AK3: variants seen among roughly 807,000 people sequenced by gnomAD.
The protein encoded by AK3 is adenylate kinase 3, also known as GTP:AMP phosphotransferase AK3, mitochondrial.
In AK3, 27 loss-of-function variants were observed where a neutral mutation model predicts 23.7. The observed-to-expected ratio is 1.14, with a 90% confidence interval of 0.84 to 1.57. AK3 has a LOEUF of 1.57. Among genes scored for constraint, AK3 ranks in the 40% most tolerant of loss-of-function variants. AK3 has a pLI of 0.00. For synonymous variants in AK3, 159 were observed against 116.0 expected (o/e 1.37, Z -2.38); for missense variants, 406 against 285.6 (o/e 1.42, Z -3.04).
rs200136232 is a variant in AK3, at chr9:4,714,107, CAT to C, written c.564-1013_564-1012del. 1.3e-4 allele frequency among the ~76,000 whole-genome samples: 19 copies of C among 143,664 alleles called. 2 individuals carry two copies. The highest frequency in any genetic ancestry group is 6.8e-4 in the South Asian group (3 of 4,434). 94.2% of individuals were successfully genotyped at this position (143,664 alleles called of 152,430 possible). A position where few individuals can be genotyped will look rare whatever the true frequency, so the allele number is the denominator to read the frequency against. On this transcript the variant is annotated intron_variant, in intron 4 of 4. Transcript: ENST00000381809. The stretch of plus-strand genomic sequence containing the variant: ...ACACCTACACATATACACACCTACA[CAT>C]ATACACACCTCCACATATACACACC...
Position 4,741,195 on chromosome 9 carries a change from C to A in AK3, c.-108G>T. 8.3e-7 allele frequency: 1 copy of A among 1,207,750 alleles called. No individual in the cohort carries two copies. The highest frequency in any genetic ancestry group is 1.1e-6 in the Non-Finnish European group (1 of 936,728). 74.8% of individuals were successfully genotyped at this position (1,207,750 alleles called of 1,614,324 possible). A position where few individuals can be genotyped will look rare whatever the true frequency, so the allele number is the denominator to read the frequency against. On this transcript the variant is annotated 5_prime_UTR_variant, in exon 1 of 5. Coordinates refer to ENST00000381809, the MANE Select transcript of AK3 (RefSeq NM_016282.4). ...GCCGGCTAGCAGCGCCACTAGCAGGCGGCTACTGCGGTTCCCCGGCGTTCC... is the reference window on the plus strand; with the variant it reads ...GCCGGCTAGCAGCGCCACTAGCAGGAGGCTACTGCGGTTCCCCGGCGTTCC...
intron 1 of AK3, among the ~76,000 whole-genome samples, chr9:4,735,284 CATATATAAATATATATAT>C (rs1842247733): frequency 2.7e-5 from 1 of 37,006 alleles, no homozygotes; most frequent in African/African-American, 1.1e-4. Flanking sequence ...AATATATATA[CATATATAAATATATATAT>C]ACATATATAA....
In AK3 at chr9:4,721,033, T is replaced by A. The variant is rs1841881783; in HGVS notation, c.271+1473A>T. ...ATGTTTTTCAGCCCCTTACACCTCATAAAGAAGCAAGACTTTTCATTAAAC... is the reference window on the plus strand; with the variant it reads ...ATGTTTTTCAGCCCCTTACACCTCAAAAAGAAGCAAGACTTTTCATTAAAC... On this transcript the variant is annotated intron_variant, in intron 2 of 4. Coordinates refer to ENST00000381809, the MANE Select transcript of AK3 (RefSeq NM_016282.4). 2.0e-5 allele frequency among the ~76,000 whole-genome samples: 3 copies of A among 152,272 alleles called. No homozygotes were observed. In the South Asian group the frequency reaches 6.2e-4, roughly 32 times the overall value.
chr9:4,718,585 G>T (rs747248787), intron 3 of AK3, 48 bp from the exon 4 acceptor site: 1 of 1,364,024 alleles, frequency 7.3e-7, no homozygotes. Flanking sequence ...ATTTCTGAAA[G>T]ATATTTTCAT....
chr9:4,733,420 G>C (rs1180346357), intron 1 of AK3, among the ~76,000 whole-genome samples: 1 of 152,186 alleles, frequency 6.6e-6, no homozygotes, highest in African/African-American at 2.4e-5. Context: ...CATGGAAGGG[G>C]AACGGGAGGG....
chr9:4,737,071 T>A (rs1011802394), intron 1 of AK3, among the ~76,000 whole-genome samples: 4 of 144,154 alleles, frequency 2.8e-5, no homozygotes, highest in African/African-American at 7.4e-5. Flanking sequence ...ATAGTTGAAC[T>A]ATTATTCACT....
intron 4 of AK3, among the ~76,000 whole-genome samples, chr9:4,715,580 G>T (rs1037016197): frequency 6.6e-6 from 1 of 151,656 alleles, no homozygotes; most frequent in South Asian, 2.1e-4. Flanking sequence ...TTTATGTTTT[G>T]TAGAGACAGA....
chr9:4,721,978 T>C (rs559441491), intron 2 of AK3, among the ~76,000 whole-genome samples: 187 of 152,198 alleles, frequency 1.2e-3, no homozygotes, highest in African/African-American at 4.3e-3. Context: ...TGGGGTTGAG[T>C]AGGAGAGAAG....
At chr9:4,732,402 CAA>C in intron 1 of AK3, among the ~76,000 whole-genome samples, 1 of 152,078 alleles carries the variant, frequency 6.6e-6, no homozygotes. Context: ...TTGGGGATGT[CAA>C]AAGTTACATG....
chr9:4,712,387 A>G lies in AK3; in HGVS notation c.*589T>C, dbSNP rs1208775666. On this transcript the variant is annotated 3_prime_UTR_variant, in exon 5 of 5. Coordinates refer to ENST00000381809, the MANE Select transcript of AK3 (RefSeq NM_016282.4). ...CAAATTGAAAATTCTGAGTAAACTG[A>G]AAGTATGCTTAACGACAAAATAAAT... 1 of 152,198 alleles carries G rather than the reference A, an allele frequency of 6.6e-6. No individual in the cohort carries two copies. Among genetic ancestry groups the G allele is most frequent in the Non-Finnish European group, 1.5e-5 (1 of 68,026 alleles). 9.4% of individuals were successfully genotyped at this position (152,198 alleles called of 1,614,324 possible).
intron 2 of AK3, among the ~76,000 whole-genome samples, chr9:4,719,831 TGAG>T (rs1430446635): frequency 1.3e-5 from 2 of 151,978 alleles, no homozygotes; most frequent in Non-Finnish European, 2.9e-5. Flanking sequence ...TTTGGGAGGC[TGAG>T]GAGGGCGGAT....
chr9:4,709,677 G>T lies in AK3; in HGVS notation c.*3299C>A, dbSNP rs1032609000. 1 of 152,088 alleles carries T rather than the reference G, an allele frequency of 6.6e-6. No individual in the cohort carries two copies. The highest frequency in any genetic ancestry group is 1.5e-5 in the Non-Finnish European group (1 of 68,014). 9.4% of individuals were successfully genotyped at this position (152,088 alleles called of 1,614,324 possible). A position where few individuals can be genotyped will look rare whatever the true frequency, so the allele number is the denominator to read the frequency against. ...GGATAAGGGCTCTACAAAGCATACT[G>T]GCTTTTACCAGAAGCTTTAAGCACA... On this transcript the variant is annotated 3_prime_UTR_variant, in exon 5 of 5. Coordinates refer to ENST00000381809, the MANE Select transcript of AK3 (RefSeq NM_016282.4).
chr9:4,717,115 G>C (rs1334208080), intron 4 of AK3, among the ~76,000 whole-genome samples: 1 of 152,124 alleles, frequency 6.6e-6, no homozygotes, highest in East Asian at 1.9e-4. Context: ...ATTTACAGAG[G>C]AAAAAACAGG....
At chr9:4,726,821 T>C (rs1170115866) in intron 1 of AK3, among the ~76,000 whole-genome samples, 1 of 151,708 alleles carries the variant, frequency 6.6e-6, no homozygotes, top group African/African-American at 2.4e-5. Context: ...TCACTATCTA[T>C]ATAGCAGCTG....
At chr9:4,728,692 T>C (rs1021621240) in intron 1 of AK3, among the ~76,000 whole-genome samples, 2 of 151,594 alleles carry the variant, frequency 1.3e-5, no homozygotes, top group Non-Finnish European at 2.9e-5. Context: ...GTAGTTTTTT[T>C]AAAGGTTGAA....
chr9:4,740,140 T>C (rs115387848), intron 1 of AK3, among the ~76,000 whole-genome samples: 1,923 of 149,332 alleles, frequency 0.013, 41 homozygotes, highest in African/African-American at 0.045. Context: ...GGTTTCAAAA[T>C]GAGTTTCAAA....
intron 4 of AK3, among the ~76,000 whole-genome samples, chr9:4,716,558 C>G (rs1405818705): frequency 6.6e-6 from 1 of 152,168 alleles, no homozygotes; most frequent in African/African-American, 2.4e-5. Flanking sequence ...CCTCATTAAA[C>G]AAATGACAAA....
intron 1 of AK3, among the ~76,000 whole-genome samples, chr9:4,724,013 A>C (rs1841964751): frequency 6.6e-6 from 1 of 152,246 alleles, no homozygotes; most frequent in African/African-American, 2.4e-5. Context: ...AACCAAGAAC[A>C]GATTCTAAAT....
At chr9:4,722,485 T>C (rs1411463736) in intron 2 of AK3, 21 bp downstream of exon 2, 2 of 1,613,920 alleles carry the variant, frequency 1.2e-6, no homozygotes, top group South Asian at 1.1e-5. Context: ...GCAGGTGAAA[T>C]GCTCATGAGA....
Sources: gnomAD v4.1 joint callset for allele counts (sites outside exome capture counted in the v4.1 genomes callset) on GRCh38, gnomAD v4.1.1 for gene constraint, MANE v1.5 for transcripts, NCBI Gene and HGNC (gene_info 2026-07-23, HGNC 2026-07-21) for gene names.